Variants in UBASH3A observed in about 807,000 individuals in gnomAD.
The protein encoded by UBASH3A is ubiquitin associated and SH3 domain containing A, also known as ubiquitin-associated and SH3 domain-containing protein A.
In UBASH3A, 63 loss-of-function variants were observed where a neutral mutation model predicts 73.5. The observed-to-expected ratio is 0.86, with a 90% CI of 0.70 to 1.06. UBASH3A has a LOEUF of 1.06. Ranked by LOEUF, UBASH3A falls within the 50% of genes least tolerant of loss-of-function variation. The probability of loss-of-function intolerance (pLI) is 0.00; values close to 1 mark genes in which losing one functional copy is unlikely to be tolerated. For synonymous variants in UBASH3A, 363 were observed against 351.1 expected (o/e 1.03, Z -0.38); for missense variants, 860 against 859.0 (o/e 1.00, Z -0.02).
chr21:42,406,218 T>C, intron 1 of UBASH3A, 90 bp from the exon 2 acceptor site: 1 of 1,056,602 alleles, frequency 9.5e-7, no homozygotes, highest in South Asian at 1.3e-5. Context: ...CCCCCAAAGA[T>C]CCTGGGTGTG....
In UBASH3A at chr21:42,409,608, G is replaced by A. The variant is rs200792922; in HGVS notation, c.354G>A (p.Thr118=). 100 of 1,609,810 alleles carry A rather than the reference G, an allele frequency of 6.2e-5. 1 individual carries two copies. The East Asian group carries it at 1.6e-3, about 26-fold the overall frequency. Residue 118 remains threonine, a splice_region_variant and synonymous_variant, in exon 3 of 15, where the codon ACG becomes ACA. Coordinates refer to ENST00000319294, the MANE Select transcript of UBASH3A (RefSeq NM_018961.4). ...ACGTGACACTCTGTGACTTCTTCACGGTGAGTCAACCCAGTGTGCCTTCAA... is the reference window on the plus strand; with the variant it reads ...ACGTGACACTCTGTGACTTCTTCACAGTGAGTCAACCCAGTGTGCCTTCAA... ...FPHVTLCDFF[T]CEDQKVECLY...
intron 8 of UBASH3A, among the ~76,000 whole-genome samples, chr21:42,429,582 C>T (rs1461964201): frequency 6.6e-6 from 1 of 152,196 alleles, no homozygotes; most frequent in Admixed American, 6.5e-5. Context: ...AGCATGCATG[C>T]TTTGCAATCT....
chr21:42,427,284 A>T (rs982754822), intron 8 of UBASH3A, among the ~76,000 whole-genome samples: 10 of 152,138 alleles, frequency 6.6e-5, no homozygotes, highest in Non-Finnish European at 1.5e-4. Flanking sequence ...GCTGCCAGGC[A>T]GGGACACCAA....
intron 11 of UBASH3A, among the ~76,000 whole-genome samples, chr21:42,438,264 A>G (rs754852203): frequency 4.6e-5 from 7 of 152,226 alleles, no homozygotes; most frequent in Non-Finnish European, 8.8e-5. Context: ...GCACACAGAC[A>G]CAGATGCAGC....
At chr21:42,422,601 T>C (rs1568922845) in intron 7 of UBASH3A, among the ~76,000 whole-genome samples, 1 of 152,184 alleles carries the variant, frequency 6.6e-6, no homozygotes, top group South Asian at 2.1e-4. Context: ...GAAGAGATCA[T>C]TAAAATTTAA....
At position 42,405,989 on chromosome 21, in the gene UBASH3A, G is replaced by GC. The variant is rs1179880331; in HGVS notation, c.114-319_114-318insC. On this transcript the variant is annotated intron_variant, in intron 1 of 14. Coordinates refer to ENST00000319294, the MANE Select transcript of UBASH3A (RefSeq NM_018961.4). ...GTCCATTTGATCTAGGCAGTGGGGG[G>GC]GGGGGGGGCAGGCCAGGGAGAGGGA... 2.3e-4 allele frequency among the ~76,000 whole-genome samples: 34 copies of GC among 149,548 alleles called. 2 individuals carry two copies. Among genetic ancestry groups the GC allele is most frequent in the African/African-American group, 6.3e-4 (25 of 39,584 alleles).
chr21:42,431,430 AGCT>A (rs2053528072), intron 8 of UBASH3A, among the ~76,000 whole-genome samples: 1 of 152,240 alleles, frequency 6.6e-6, no homozygotes, highest in African/African-American at 2.4e-5. Flanking sequence ...GGTGCCAGAG[AGCT>A]GCTGTCCCTG....
intron 7 of UBASH3A, among the ~76,000 whole-genome samples, chr21:42,423,830 G>T (rs1601581226): frequency 1.3e-5 from 2 of 152,264 alleles, no homozygotes; most frequent in South Asian, 2.1e-4. Flanking sequence ...GGTGCTGTGG[G>T]TTGTCTGATT....
chr21:42,436,182 T>TATAG (rs1198886784), intron 10 of UBASH3A, among the ~76,000 whole-genome samples: 33 of 145,406 alleles, frequency 2.3e-4, no homozygotes, highest in African/African-American at 9.1e-4. Flanking sequence ...GTTATAGAGT[T>TATAG]AGTTATAGAG....
rs780832562 is a variant in UBASH3A, at chr21:42,416,518, G to C, written c.744G>C (p.Thr248=). ...AGTTCTACCCCCACCACCAGAGGACGCTGGAGCAGCTGGCCAGAGCCATCC... is the reference window on the plus strand; with the variant it reads ...AGTTCTACCCCCACCACCAGAGGACCCTGGAGCAGCTGGCCAGAGCCATCC... ...AHKFYPHHQR[T]LEQLARAIPL... is the part of the protein sequence containing the mutation. The change falls in exon 6 of 15, where the codon ACG becomes ACC. Residue 248 remains threonine, a synonymous_variant. Coordinates refer to ENST00000319294, the MANE Select transcript of UBASH3A (RefSeq NM_018961.4). 1 of 1,612,030 alleles carries C rather than the reference G, an allele frequency of 6.2e-7. No individual in the cohort carries two copies. The highest frequency in any genetic ancestry group is 8.5e-7 in the Non-Finnish European group (1 of 1,179,178).
At chr21:42,427,107 C>G (rs2053449877) in intron 8 of UBASH3A, among the ~76,000 whole-genome samples, 1 of 152,166 alleles carries the variant, frequency 6.6e-6, no homozygotes, top group Non-Finnish European at 1.5e-5. Flanking sequence ...TTCCCTCATT[C>G]ATGAGCCAAG....
intron 1 of UBASH3A, among the ~76,000 whole-genome samples, chr21:42,404,923 C>A (rs1170685630): frequency 6.6e-6 from 1 of 152,198 alleles, no homozygotes; most frequent in Non-Finnish European, 1.5e-5. Flanking sequence ...TTACAGCTTT[C>A]ATGGCAAACC....
In UBASH3A at chr21:42,432,184, C is replaced by A. The variant is rs2053543764; in HGVS notation, c.1252C>A (p.Gln418Lys). ...GATCTTCGGGAAGGCATGGCTGCAG[C>A]AATGCTCCACTCCTGATGGTAGGTC... ...DQIFGKAWLQ[Q>K]CSTPDGKYYR... The change falls in exon 9 of 15, where the codon CAA (glutamine) becomes AAA (lysine). Residue 418 changes from glutamine (Q) to lysine (K), a missense_variant. By Grantham distance (53) the Gln-to-Lys change is moderately conservative. Transcript: ENST00000319294. The A allele has an allele frequency of 6.2e-7, 1 of 1,612,506 alleles. No homozygotes were observed. The highest frequency in any genetic ancestry group is 8.5e-7 in the Non-Finnish European group (1 of 1,179,034).
intron 8 of UBASH3A, 115 bp downstream of exon 8, chr21:42,426,935 C>G (rs1409661916): frequency 5.2e-6 from 7 of 1,354,946 alleles, no homozygotes; most frequent in Non-Finnish European, 6.0e-6. Flanking sequence ...GACACATCCT[C>G]CCTGCCCTAG....
intron 3 of UBASH3A, among the ~76,000 whole-genome samples, chr21:42,411,670 C>G (rs557164227): frequency 6.6e-6 from 1 of 152,180 alleles, no homozygotes; most frequent in Non-Finnish European, 1.5e-5. Context: ...CTGGCCTGGC[C>G]GTGGTTAGTG....
intron 7 of UBASH3A, among the ~76,000 whole-genome samples, chr21:42,421,502 C>T (rs138566604): frequency 6.6e-6 from 1 of 152,318 alleles, no homozygotes; most frequent in African/African-American, 2.4e-5. Context: ...CCCCTCACCA[C>T]CCTGACAAAT....
intron 5 of UBASH3A, 133 bp from the exon 6 acceptor site, chr21:42,416,309 G>GTGAGTTCTGAGCGGGCCAAATGAGCTC (rs1473591487): frequency 1.1e-6 from 1 of 880,894 alleles, no homozygotes; most frequent in African/African-American, 1.8e-5. Context: ...CCTTTATGAT[G>GTGAGTTCTGAGCGGGCCAAATGAGCTC]TGAGTTCTGA....
At chr21:42,444,981 G>A (rs1309738443) in intron 14 of UBASH3A, among the ~76,000 whole-genome samples, 1 of 152,196 alleles carries the variant, frequency 6.6e-6, no homozygotes, top group Non-Finnish European at 1.5e-5. Context: ...TGTGGGACTC[G>A]ATTCTGGCCT....
At chr21:42,412,482 G>C (rs921710706) in intron 3 of UBASH3A, among the ~76,000 whole-genome samples, 1 of 152,188 alleles carries the variant, frequency 6.6e-6, no homozygotes, top group Non-Finnish European at 1.5e-5. Context: ...GGCAAAAGAG[G>C]AGGAGAGGGT....
Sources: gnomAD v4.1 joint callset for allele counts (sites outside exome capture counted in the v4.1 genomes callset) on GRCh38, gnomAD v4.1.1 for gene constraint, MANE v1.5 for transcripts, NCBI Gene and HGNC (gene_info 2026-07-23, HGNC 2026-07-21) for gene names.